The following NAV2 variants were observed in gnomAD, a reference collection of about 807,000 sequenced individuals.
The protein encoded by NAV2 is helicase, APC down-regulated 1.
NAV2 carries 54 observed loss-of-function variants against 223.2 expected under a neutral mutation model. The ratio of observed to expected loss-of-function variants is 0.24; its 90% CI spans 0.19 to 0.30. NAV2 has a LOEUF of 0.30. Ranked by LOEUF, NAV2 falls within the 10% of genes least tolerant of loss-of-function variation. The pLI is 1.00. For synonymous variants in NAV2, 1,279 were observed against 1,239.3 expected (o/e 1.03, Z -0.67); for missense variants, 2,806 against 3,147.5 (o/e 0.89, Z 2.60).
At chr11:19,885,166 C>T (rs1294914662) in intron 5 of NAV2, among the ~76,000 whole-genome samples, 2 of 152,210 alleles carry the variant, frequency 1.3e-5, no homozygotes, top group Non-Finnish European at 2.9e-5. Flanking sequence ...CATCCTCATG[C>T]CAGGCTTCAT....
chr11:19,416,798 T>C (rs1272719080), intron 1 of NAV2, among the ~76,000 whole-genome samples: 1 of 152,164 alleles, frequency 6.6e-6, no homozygotes, highest in Non-Finnish European at 1.5e-5. Context: ...GCCACACATC[T>C]ACAACCACCT....
At chr11:19,685,760 C>G (rs2049005540) in intron 1 of NAV2, among the ~76,000 whole-genome samples, 1 of 152,126 alleles carries the variant, frequency 6.6e-6, no homozygotes, top group African/African-American at 2.4e-5. Context: ...CTCTAATCTT[C>G]CATTTATCTT....
chr11:19,804,210 T>C (rs1475187957), intron 1 of NAV2, among the ~76,000 whole-genome samples: 4 of 152,188 alleles, frequency 2.6e-5, no homozygotes, highest in East Asian at 1.9e-4. Context: ...TAAGTCTCCA[T>C]TGAAGAAGGG....
intron 37 of NAV2, among the ~76,000 whole-genome samples, chr11:20,117,161 T>C (rs563268583): frequency 2.0e-5 from 3 of 152,308 alleles, no homozygotes; most frequent in African/African-American, 7.2e-5. Context: ...ACTTACTTCC[T>C]ATATGAAATA....
intron 1 of NAV2, among the ~76,000 whole-genome samples, chr11:19,422,596 G>T (rs1850662913): frequency 2.5e-5 from 1 of 39,376 alleles, no homozygotes; most frequent in Non-Finnish European, 9.4e-5. Flanking sequence ...ATACAGGAGA[G>T]GCCTCTCTCT....
intron 1 of NAV2, among the ~76,000 whole-genome samples, chr11:19,743,194 T>C (rs1196484793): frequency 2.6e-5 from 4 of 152,180 alleles, no homozygotes; most frequent in Non-Finnish European, 4.4e-5. Flanking sequence ...ATAAGGCCAC[T>C]GTGAGGCTCC....
intron 1 of NAV2, among the ~76,000 whole-genome samples, chr11:19,494,575 G>T (rs1196782449): frequency 1.3e-5 from 2 of 152,304 alleles, no homozygotes; most frequent in Non-Finnish European, 2.9e-5. Context: ...ATATGTGTGT[G>T]GTGCAAAACT....
intron 11 of NAV2, among the ~76,000 whole-genome samples, chr11:19,999,342 T>C (rs2052307613): frequency 6.6e-6 from 1 of 152,192 alleles, no homozygotes; most frequent in African/African-American, 2.4e-5. Context: ...GACTGACTGG[T>C]TTAACCCAGT....
chr11:20,071,796 G>A (rs1184981062), intron 22 of NAV2, among the ~76,000 whole-genome samples: 1 of 152,038 alleles, frequency 6.6e-6, no homozygotes, highest in East Asian at 1.9e-4. Flanking sequence ...TTTTTTTCTT[G>A]TAAATTTGTT....
At chr11:19,777,235 G>A (rs1261842524) in intron 1 of NAV2, among the ~76,000 whole-genome samples, 1 of 151,516 alleles carries the variant, frequency 6.6e-6, no homozygotes, top group African/African-American at 2.4e-5. Context: ...AGGCACGAGA[G>A]CTGGGCAGCG....
chr11:20,042,970 A>G (rs1164632982), intron 12 of NAV2, among the ~76,000 whole-genome samples: 2 of 152,172 alleles, frequency 1.3e-5, no homozygotes, highest in Non-Finnish European at 2.9e-5. Flanking sequence ...TATGGCCAGC[A>G]GGTCAGGGCT....
At chr11:19,431,558 G>T (rs1322548836) in intron 1 of NAV2, among the ~76,000 whole-genome samples, 1 of 152,198 alleles carries the variant, frequency 6.6e-6, no homozygotes, top group Non-Finnish European at 1.5e-5. Flanking sequence ...TCTGGCCAAA[G>T]TGAGGTTGGG....
chr11:19,864,974 C>A (rs1371166200), intron 3 of NAV2, among the ~76,000 whole-genome samples: 1 of 152,152 alleles, frequency 6.6e-6, no homozygotes, highest in Non-Finnish European at 1.5e-5. Context: ...GCTCTTGGAC[C>A]CATTTCTATG....
At chr11:19,655,703 G>T (rs941906121) in intron 1 of NAV2, among the ~76,000 whole-genome samples, 1 of 141,422 alleles carries the variant, frequency 7.1e-6, no homozygotes, top group Non-Finnish European at 1.5e-5. Context: ...GAGAACACAT[G>T]GATACAGGAA....
chr11:20,023,425 G>T (rs1324379903), intron 11 of NAV2, among the ~76,000 whole-genome samples: 1 of 152,116 alleles, frequency 6.6e-6, no homozygotes, highest in Non-Finnish European at 1.5e-5. Flanking sequence ...AGACATTTGG[G>T]TAATGTCAAT....
intron 1 of NAV2, among the ~76,000 whole-genome samples, chr11:19,520,284 T>C (rs2043605561): frequency 6.6e-6 from 1 of 152,272 alleles, no homozygotes; most frequent in Admixed American, 6.5e-5. Context: ...CAGCTCATTT[T>C]CAGGCACGCA....
chr11:19,556,650 T>C (rs1315500013), intron 1 of NAV2, among the ~76,000 whole-genome samples: 1 of 152,244 alleles, frequency 6.6e-6, no homozygotes, highest in Admixed American at 6.5e-5. Flanking sequence ...ATGTGCTTCT[T>C]TTTAATACCT....
intron 1 of NAV2, among the ~76,000 whole-genome samples, chr11:19,592,974 TAC>T: frequency 6.6e-6 from 1 of 152,314 alleles, no homozygotes; most frequent in South Asian, 2.1e-4. Flanking sequence ...GTAATTATAG[TAC>T]AGTTTCAGAA....
rs1408470085 is a variant in NAV2, at chr11:19,356,345, T to C, written c.75+5318T>C. Among the ~76,000 whole-genome samples, 4 of 152,194 alleles carry C rather than the reference T, an allele frequency of 2.6e-5. 1 individual carries two copies. The East Asian group carries it at 5.8e-4, about 22-fold the overall frequency. On this transcript the variant is annotated intron_variant, in intron 1 of 37. Coordinates refer to the NAV2 transcript ENST00000360655. ...TCAATGAAGAGAATGTGAGATAGCA[T>C]GATTAGTCTTCATTCATTCATTTAT...
Sources: allele counts gnomAD v4.1 joint callset (sites outside exome capture counted in the v4.1 genomes callset), GRCh38; gene constraint gnomAD v4.1.1; transcripts MANE v1.5; gene names NCBI Gene and HGNC (gene_info 2026-07-23, HGNC 2026-07-21).